Variants in ROCK1 observed in about 807,000 individuals in gnomAD.
ROCK1 encodes the protein Rho associated coiled-coil containing protein kinase 1.
ROCK1 carries 36 observed loss-of-function variants against 196.8 expected under a neutral mutation model. The ratio of observed to expected loss-of-function variants is 0.18; its 90% confidence interval spans 0.14 to 0.24. The LOEUF (loss-of-function observed/expected upper bound fraction) is 0.24. ROCK1 is among the 10% of genes least tolerant of loss of function. The pLI is 1.00. For synonymous variants in ROCK1, 443 were observed against 515.9 expected, an observed-to-expected ratio of 0.86 and a Z score of 1.91; for missense variants, 920 against 1,562.0, an observed-to-expected ratio of 0.59 and a Z score of 6.93.
At chr18:21,093,759 A>T (rs1452534423) in intron 1 of ROCK1, among the ~76,000 whole-genome samples, 3 of 152,110 alleles carry the variant, frequency 2.0e-5, no homozygotes, top group Non-Finnish European at 2.9e-5. Context: ...GATTGAAACC[A>T]TCCTGGCTAA....
chr18:21,110,061 A>G (rs1598566809), intron 1 of ROCK1, among the ~76,000 whole-genome samples: 1 of 152,140 alleles, frequency 6.6e-6, no homozygotes, highest in East Asian at 1.9e-4. Context: ...ATTTACAGAT[A>G]ACTGTATTAT....
At chr18:20,989,238 T>G (rs888432204) in intron 18 of ROCK1, among the ~76,000 whole-genome samples, 6 of 152,366 alleles carry the variant, frequency 3.9e-5, no homozygotes, top group Admixed American at 1.3e-4. Flanking sequence ...AAACTTTCTA[T>G]GCACAGGCAC....
At chr18:21,031,893 C>G (rs1555750964) in intron 9 of ROCK1, among the ~76,000 whole-genome samples, 1 of 151,836 alleles carries the variant, frequency 6.6e-6, no homozygotes, top group Non-Finnish European at 1.5e-5. Context: ...GAAAAAAAAC[C>G]AGTGAACTTG....
At chr18:21,023,001 A>G (rs2035926956) in intron 11 of ROCK1, among the ~76,000 whole-genome samples, 1 of 108,050 alleles carries the variant, frequency 9.3e-6, no homozygotes, top group Admixed American at 9.9e-5. Flanking sequence ...ATGGATAAAT[A>G]TTGTATGATT....
intron 2 of ROCK1, among the ~76,000 whole-genome samples, chr18:21,067,416 T>C (rs1476576850): frequency 1.3e-5 from 2 of 150,124 alleles, no homozygotes; most frequent in Non-Finnish European, 3.0e-5. Context: ...AGACAAAGTC[T>C]TGCTCTGTCG....
intron 18 of ROCK1, 44 bp downstream of exon 18, chr18:20,991,132 C>G (rs1224984276): frequency 2.5e-5 from 39 of 1,533,884 alleles, no homozygotes; most frequent in Non-Finnish European, 3.0e-5. Context: ...TTTCTAGTCA[C>G]TATTTAAAGT....
At chr18:21,001,150 T>C (rs754217356) in intron 16 of ROCK1, among the ~76,000 whole-genome samples, 25 of 152,170 alleles carry the variant, frequency 1.6e-4, no homozygotes, top group Non-Finnish European at 3.2e-4. Context: ...TGTAAAACAT[T>C]ATGCTAAGTG....
In ROCK1 at chr18:21,110,845, T is replaced by C. The variant is rs756553263; in HGVS notation, c.66A>G (p.Lys22=). 4.3e-6 allele frequency: 7 copies of C among 1,614,078 alleles called. No individual in the cohort carries two copies. The highest frequency in any genetic ancestry group is 2.2e-5 in the South Asian group (2 of 91,080). The part of the protein sequence containing the change: ...EKMDNLLRDP[K]SEVNSDCLLD... Reference sequence around the variant, plus strand: ...GCAAACAATCCGAATTCACTTCCGATTTGGGATCCCGCAGCAGGTTGTCCA... The same window carrying C: ...GCAAACAATCCGAATTCACTTCCGACTTGGGATCCCGCAGCAGGTTGTCCA... The change falls in exon 1 of 33, where the codon AAA becomes AAG. Residue 22 remains lysine, a synonymous_variant. Coordinates refer to ENST00000399799, the MANE Select transcript of ROCK1 (RefSeq NM_005406.3).
At chr18:20,953,421 A>C (rs1465975686) in intron 32 of ROCK1, 157 bp downstream of exon 32, 1 of 512,022 alleles carries the variant, frequency 2.0e-6, no homozygotes, top group African/African-American at 2.0e-5. Context: ...CTCTAACAAG[A>C]ATAAGTTAAA....
intron 13 of ROCK1, among the ~76,000 whole-genome samples, chr18:21,014,950 G>A (rs2143452602): frequency 6.6e-6 from 1 of 152,252 alleles, no homozygotes; most frequent in Admixed American, 6.5e-5. Flanking sequence ...GCTTGTTATT[G>A]TTTCTCTGAT....
At chr18:21,045,200 A>C (rs1346745801) in intron 5 of ROCK1, 92 bp downstream of exon 5, 1 of 1,163,856 alleles carries the variant, frequency 8.6e-7, no homozygotes, top group Non-Finnish European at 1.2e-6. Context: ...CATACGGAAG[A>C]AGAATGGGTG....
At chr18:21,105,158 C>A (rs1365813397) in intron 1 of ROCK1, among the ~76,000 whole-genome samples, 2 of 151,870 alleles carry the variant, frequency 1.3e-5, no homozygotes, top group African/African-American at 2.4e-5. Context: ...TACTTTTATC[C>A]CCTCTTATTT....
intron 4 of ROCK1, among the ~76,000 whole-genome samples, chr18:21,048,010 C>G (rs1394325858): frequency 6.6e-6 from 1 of 152,102 alleles, no homozygotes; most frequent in Non-Finnish European, 1.5e-5. Flanking sequence ...ACAGATAAAA[C>G]ATGAAGCTGA....
intron 16 of ROCK1, among the ~76,000 whole-genome samples, chr18:20,998,821 C>T (rs1004559681): frequency 4.6e-5 from 7 of 152,038 alleles, no homozygotes; most frequent in African/African-American, 1.7e-4. Flanking sequence ...CTAGGCCAGG[C>T]TGGTCTGGAA....
intron 27 of ROCK1, among the ~76,000 whole-genome samples, chr18:20,965,975 A>G (rs1408190321): frequency 1.3e-5 from 2 of 152,212 alleles, no homozygotes; most frequent in Non-Finnish European, 1.5e-5. Flanking sequence ...CTAGTTCCTT[A>G]TATCAAATTC....
intron 1 of ROCK1, among the ~76,000 whole-genome samples, chr18:21,072,294 A>T (rs2036392261): frequency 6.6e-6 from 1 of 152,318 alleles, no homozygotes; most frequent in South Asian, 2.1e-4. Context: ...ATAGTCTATT[A>T]CTTTTCAGCA....
At position 21,077,283 on chromosome 18, in the gene ROCK1, T is replaced by A. The variant is rs187074474; in HGVS notation, c.94-6670A>T. 4.7e-4 allele frequency among the ~76,000 whole-genome samples: 71 copies of A among 152,296 alleles called. No individual in the cohort carries two copies. In the East Asian group the frequency reaches 0.013, roughly 28 times the overall value. ...CCACCGCGCCCGGCCAAGGACAGTCTTAAGTCTTGAGCAGGTAGCAGACTG... is the reference window on the plus strand; with the variant it reads ...CCACCGCGCCCGGCCAAGGACAGTCATAAGTCTTGAGCAGGTAGCAGACTG... On this transcript the variant is annotated intron_variant, in intron 1 of 32. Transcript: ENST00000399799.
At chr18:20,960,049 T>TA (rs903624132) in intron 28 of ROCK1, 87 bp downstream of exon 28, 77 of 1,070,628 alleles carry the variant, frequency 7.2e-5, no homozygotes, top group East Asian at 1.9e-4. Flanking sequence ...TAAATGCTAG[T>TA]AAAAAAAAGT....
intron 1 of ROCK1, among the ~76,000 whole-genome samples, chr18:21,100,608 A>G (rs557925952): frequency 6.6e-6 from 1 of 150,796 alleles, no homozygotes; most frequent in Non-Finnish European, 1.5e-5. Context: ...AAAGACTGAG[A>G]GCGAAATAAA....
Sources: gnomAD v4.1 joint callset for allele counts (sites outside exome capture counted in the v4.1 genomes callset) on GRCh38, gnomAD v4.1.1 for gene constraint, MANE v1.5 for transcripts, NCBI Gene and HGNC (gene_info 2026-07-23, HGNC 2026-07-21) for gene names.